Variants in HERPUD2 observed in about 807,000 individuals in gnomAD.
HERPUD2 encodes HERPUD family member 2.
In HERPUD2, 13 loss-of-function variants were observed where a neutral mutation model predicts 49.9. That is an observed-to-expected ratio of 0.26 (90% CI 0.17 to 0.41). HERPUD2 has a LOEUF of 0.41. HERPUD2 is among the 10% of genes least tolerant of loss of function. The probability of loss-of-function intolerance (pLI) is 1.00; values close to 1 mark genes in which losing one functional copy is unlikely to be tolerated. For synonymous variants in HERPUD2, 172 were observed against 171.4 expected (o/e 1.00, Z -0.03); for missense variants, 449 against 492.2 (o/e 0.91, Z 0.83).
intron 5 of HERPUD2, among the ~76,000 whole-genome samples, chr7:35,662,889 A>C (rs1397454250): frequency 6.6e-6 from 1 of 152,076 alleles, no homozygotes; most frequent in African/African-American, 2.4e-5. Context: ...CTCTGATCTT[A>C]GTTATTTCTT....
At chr7:35,657,879 G>A (rs1475844055) in intron 5 of HERPUD2, among the ~76,000 whole-genome samples, 3 of 150,390 alleles carry the variant, frequency 2.0e-5, no homozygotes, top group Non-Finnish European at 3.0e-5. Flanking sequence ...CCGAGATCGC[G>A]CCACTGCACT....
chr7:35,689,280 G>C (rs929049365), intron 2 of HERPUD2, among the ~76,000 whole-genome samples: 1 of 152,110 alleles, frequency 6.6e-6, no homozygotes, highest in Non-Finnish European at 1.5e-5. Flanking sequence ...TTTCACATTC[G>C]ATAGTACCCT....
chr7:35,669,605 A>G (rs1260654397), intron 4 of HERPUD2, among the ~76,000 whole-genome samples: 1 of 152,194 alleles, frequency 6.6e-6, no homozygotes, highest in African/African-American at 2.4e-5. Context: ...AAATGTCTAA[A>G]TTGAGAAGGT....
chr7:35,640,405 G>C (rs375659764), intron 5 of HERPUD2, among the ~76,000 whole-genome samples: 3 of 152,250 alleles, frequency 2.0e-5, no homozygotes, highest in African/African-American at 7.2e-5. Context: ...AAGCTCAAGG[G>C]AGAAAAGCCA....
intron 1 of HERPUD2, 25 bp downstream of exon 1, chr7:35,694,776 G>A (rs1438185884): frequency 1.3e-5 from 2 of 157,846 alleles, no homozygotes; most frequent in Non-Finnish European, 2.8e-5. Context: ...GGGCCGCTCA[G>A]GGCGGTCAGC....
chr7:35,676,608 T>C (rs1785766475), intron 2 of HERPUD2, among the ~76,000 whole-genome samples: 1 of 152,306 alleles, frequency 6.6e-6, no homozygotes. Context: ...ATCTGGGAGC[T>C]AGGAGTACTG....
intron 5 of HERPUD2, among the ~76,000 whole-genome samples, chr7:35,659,025 A>G (rs1785350816): frequency 6.6e-6 from 1 of 152,184 alleles, no homozygotes; most frequent in South Asian, 2.1e-4. Context: ...GTTTTAATAC[A>G]CTCACTAAAT....
At chr7:35,682,351 GTGTGTGTATATATATATATA>G (rs1258007407) in intron 2 of HERPUD2, among the ~76,000 whole-genome samples, 701 of 28,744 alleles carry the variant, frequency 0.024, 80 homozygotes, top group South Asian at 0.047. Context: ...GTGTGTGTGT[GTGTGTGTATATATATATATA>G]TATATATATA....
chr7:35,641,463 G>GA (rs1416322744), intron 5 of HERPUD2, among the ~76,000 whole-genome samples: 1 of 152,064 alleles, frequency 6.6e-6, no homozygotes, highest in East Asian at 1.9e-4. Flanking sequence ...CACAGAACTA[G>GA]AAAAAACTAT....
rs1301849916 is a variant in HERPUD2, at chr7:35,636,562, G to A, written c.618-1104C>T. Among the ~76,000 whole-genome samples, 3 of 152,186 alleles carry A rather than the reference G, an allele frequency of 2.0e-5. No homozygotes were observed. The East Asian group carries it at 5.8e-4, about 29-fold the overall frequency. Reference sequence around the variant, plus strand: ...CAGTTCTTGTGAGGTTCACAAACGAGACAAGGTGGGGTACAGCATCCAGCA... The same window carrying A: ...CAGTTCTTGTGAGGTTCACAAACGAAACAAGGTGGGGTACAGCATCCAGCA... On this transcript the variant is annotated intron_variant, in intron 6 of 8. Coordinates refer to ENST00000311350, the MANE Select transcript of HERPUD2 (RefSeq NM_022373.5).
chr7:35,663,267 T>A (rs751839131), intron 5 of HERPUD2, among the ~76,000 whole-genome samples: 1 of 152,152 alleles, frequency 6.6e-6, no homozygotes, highest in East Asian at 1.9e-4. Context: ...TTTTACTGAG[T>A]AAATTTGTTA....
chr7:35,647,259 C>A (rs1234050251), intron 5 of HERPUD2, among the ~76,000 whole-genome samples: 2 of 152,118 alleles, frequency 1.3e-5, no homozygotes, highest in Admixed American at 1.3e-4. Flanking sequence ...TCCCTATTAA[C>A]CCCCTTCAAG....
intron 2 of HERPUD2, among the ~76,000 whole-genome samples, chr7:35,682,327 G>A (rs1379766396): frequency 1.2e-3 from 5 of 4,314 alleles, no homozygotes; most frequent in Admixed American, 3.2e-3. Flanking sequence ...ACATACACAC[G>A]TGTGTGTGTG....
chr7:35,641,920 C>G (rs911815515), intron 5 of HERPUD2, among the ~76,000 whole-genome samples: 6 of 152,094 alleles, frequency 3.9e-5, no homozygotes, highest in African/African-American at 1.4e-4. Flanking sequence ...GATTTCATGA[C>G]AAAGATGCCA....
intron 5 of HERPUD2, among the ~76,000 whole-genome samples, chr7:35,643,162 A>T (rs1043932608): frequency 1.3e-5 from 2 of 152,324 alleles, no homozygotes; most frequent in East Asian, 1.9e-4. Context: ...TAATTTTTTT[A>T]AAAATAGAGG....
rs539853850 is a variant in HERPUD2, at chr7:35,661,612, A to G, written c.494+5822T>C. Reference sequence around the variant, plus strand: ...CACATCCCTTGTAATTTGGATTCCTAGGTATTTTATTCTCTTTGAAGCAAT... The same window carrying G: ...CACATCCCTTGTAATTTGGATTCCTGGGTATTTTATTCTCTTTGAAGCAAT... On this transcript the variant is annotated intron_variant, in intron 5 of 8. Coordinates refer to ENST00000311350, the MANE Select transcript of HERPUD2 (RefSeq NM_022373.5). Among the ~76,000 whole-genome samples the G allele has an allele frequency of 4.6e-5, 7 of 152,166 alleles. No individual in the cohort carries two copies. The East Asian group carries it at 1.3e-3, about 29-fold the overall frequency.
intron 2 of HERPUD2, among the ~76,000 whole-genome samples, chr7:35,681,671 T>A (rs1020513217): frequency 1.3e-5 from 2 of 152,174 alleles, no homozygotes; most frequent in Non-Finnish European, 2.9e-5. Flanking sequence ...AATGAAATAC[T>A]GACACATGCT....
intron 2 of HERPUD2, among the ~76,000 whole-genome samples, chr7:35,678,363 C>T (rs1175480578): frequency 2.6e-5 from 4 of 151,890 alleles, no homozygotes; most frequent in Admixed American, 6.6e-5. Flanking sequence ...TGCAGTGGCA[C>T]GATCTTGGCT....
At chr7:35,690,523 G>C (rs1786156896) in intron 2 of HERPUD2, among the ~76,000 whole-genome samples, 1 of 152,246 alleles carries the variant, frequency 6.6e-6, no homozygotes, top group African/African-American at 2.4e-5. Flanking sequence ...CAAAAGAATA[G>C]TTAAGGCCGG....
Sources: gnomAD v4.1 joint callset for allele counts (sites outside exome capture counted in the v4.1 genomes callset) on GRCh38, gnomAD v4.1.1 for gene constraint, MANE v1.5 for transcripts, NCBI Gene and HGNC (gene_info 2026-07-23, HGNC 2026-07-21) for gene names.